Variants in KCTD8 observed in about 807,000 individuals in gnomAD.
KCTD8 encodes potassium channel tetramerization domain containing 8, also known as BTB/POZ domain-containing protein KCTD8.
In KCTD8, 27 loss-of-function variants were observed where a neutral mutation model predicts 31.5. The ratio of observed to expected loss-of-function variants is 0.86; its 90% CI spans 0.63 to 1.18. The LOEUF is 1.18. Ranked by LOEUF, KCTD8 falls within the 50% of genes most tolerant of loss-of-function variation. The probability of loss-of-function intolerance (pLI) is 0.00; values close to 1 mark genes in which losing one functional copy is unlikely to be tolerated. For missense variants in KCTD8, 658 were observed against 647.7 expected, an observed-to-expected ratio of 1.02 and a Z score of -0.17; for synonymous variants, 290 against 280.0, an observed-to-expected ratio of 1.04 and a Z score of -0.36.
intron 1 of KCTD8, among the ~76,000 whole-genome samples, chr4:44,264,027 C>T (rs945288692): frequency 1.3e-5 from 2 of 152,182 alleles, no homozygotes; most frequent in African/African-American, 4.8e-5. Context: ...AAGTTATCTC[C>T]TTTTGCCTAA....
intron 1 of KCTD8, among the ~76,000 whole-genome samples, chr4:44,382,888 C>G (rs2109443907): frequency 6.6e-6 from 1 of 151,994 alleles, no homozygotes; most frequent in Admixed American, 6.6e-5. Flanking sequence ...TTGCAGATGA[C>G]ATGATCTCAT....
At chr4:44,387,522 C>T (rs1000320388) in intron 1 of KCTD8, among the ~76,000 whole-genome samples, 2 of 151,660 alleles carry the variant, frequency 1.3e-5, no homozygotes, top group African/African-American at 4.8e-5. Flanking sequence ...CAAGAACAGA[C>T]ACATAGAACA....
chr4:44,426,461 T>C (rs1721350313), intron 1 of KCTD8, among the ~76,000 whole-genome samples: 1 of 151,122 alleles, frequency 6.6e-6, no homozygotes, highest in African/African-American at 2.4e-5. Context: ...TAGAGGAGGA[T>C]GGGAGAGAAA....
chr4:44,272,993 C>G (rs1289447009), intron 1 of KCTD8, among the ~76,000 whole-genome samples: 3 of 152,074 alleles, frequency 2.0e-5, no homozygotes, highest in Admixed American at 6.6e-5. Context: ...TGAGTCACAT[C>G]ACATATCAGC....
intron 1 of KCTD8, among the ~76,000 whole-genome samples, chr4:44,415,165 G>C (rs1721045116): frequency 6.6e-6 from 1 of 152,168 alleles, no homozygotes; most frequent in South Asian, 2.1e-4. Flanking sequence ...GTGGATGTTT[G>C]AACTTAAAAG....
intron 1 of KCTD8, among the ~76,000 whole-genome samples, chr4:44,417,569 T>C (rs1721105759): frequency 1.1e-4 from 1 of 9,014 alleles, no homozygotes; most frequent in Admixed American, 1.2e-3. Flanking sequence ...TTTGTATCCA[T>C]GTCTATGGCA....
At chr4:44,418,033 A>G (rs1417929924) in intron 1 of KCTD8, among the ~76,000 whole-genome samples, 1 of 152,174 alleles carries the variant, frequency 6.6e-6, no homozygotes, top group Non-Finnish European at 1.5e-5. Context: ...AGCAGAGCAG[A>G]CAGATATACA....
At chr4:44,328,457 C>T (rs1364541744) in intron 1 of KCTD8, among the ~76,000 whole-genome samples, 5 of 151,920 alleles carry the variant, frequency 3.3e-5, no homozygotes, top group Admixed American at 3.3e-4. Context: ...ATATACACTT[C>T]GCCAATCCCA....
intron 1 of KCTD8, among the ~76,000 whole-genome samples, chr4:44,248,381 T>G (rs1292158673): frequency 6.6e-6 from 1 of 151,498 alleles, no homozygotes; most frequent in Non-Finnish European, 1.5e-5. Flanking sequence ...CATCTCTTCC[T>G]GTGCTTCACC....
intron 1 of KCTD8, among the ~76,000 whole-genome samples, chr4:44,436,648 G>C (rs1347318377): frequency 1.3e-5 from 2 of 151,976 alleles, no homozygotes; most frequent in African/African-American, 2.4e-5. Flanking sequence ...AATATTTGGG[G>C]TTTGCTTTAA....
At chr4:44,370,948 T>C (rs1438392859) in intron 1 of KCTD8, among the ~76,000 whole-genome samples, 1 of 151,970 alleles carries the variant, frequency 6.6e-6, no homozygotes, top group Non-Finnish European at 1.5e-5. Context: ...TTGTGAAGAA[T>C]TGGCTCATAT....
At chr4:44,203,195 A>G (rs1024747233) in intron 1 of KCTD8, among the ~76,000 whole-genome samples, 3 of 152,164 alleles carry the variant, frequency 2.0e-5, no homozygotes, top group Admixed American at 2.0e-4. Flanking sequence ...AGTCTTAAAT[A>G]TATCTAATTA....
At chr4:44,259,955 C>T (rs1417190121) in intron 1 of KCTD8, among the ~76,000 whole-genome samples, 1 of 151,686 alleles carries the variant, frequency 6.6e-6, no homozygotes, top group African/African-American at 2.4e-5. Context: ...AATTATATAT[C>T]ATAGGTTTAA....
intron 1 of KCTD8, among the ~76,000 whole-genome samples, chr4:44,286,188 C>CT (rs1717063648): frequency 6.6e-6 from 1 of 152,034 alleles, no homozygotes; most frequent in South Asian, 2.1e-4. Flanking sequence ...AGTTTCATGA[C>CT]TTTAAATACC....
chr4:44,235,843 T>C (rs546308730), intron 1 of KCTD8, among the ~76,000 whole-genome samples: 2 of 151,958 alleles, frequency 1.3e-5, no homozygotes, highest in South Asian at 2.1e-4. Context: ...TATGCACAGC[T>C]TTCACCTTGA....
rs150910833 is a variant in KCTD8, at chr4:44,397,376, T to C, written c.961+50187A>G. ...CATTATGTTTATATGTATATATATG[T>C]ATGCACATTCATATATATGTAGATA... On this transcript the variant is annotated intron_variant, in intron 1 of 1. Coordinates refer to ENST00000360029, the MANE Select transcript of KCTD8 (RefSeq NM_198353.3). Among the ~76,000 whole-genome samples, 260 of 152,282 alleles carry C rather than the reference T, an allele frequency of 1.7e-3. 2 individuals carry two copies. The highest frequency in any genetic ancestry group is 0.016 in the Admixed American group (242 of 15,274).
At chr4:44,272,182 C>G (rs1716633039) in intron 1 of KCTD8, among the ~76,000 whole-genome samples, 1 of 149,436 alleles carries the variant, frequency 6.7e-6, no homozygotes, top group Admixed American at 6.7e-5. Context: ...CAATATCCAT[C>G]AAGTATTGTC....
intron 1 of KCTD8, among the ~76,000 whole-genome samples, chr4:44,244,270 C>A (rs771714012): frequency 6.6e-6 from 1 of 152,038 alleles, no homozygotes; most frequent in Non-Finnish European, 1.5e-5. Flanking sequence ...CATATTCAAG[C>A]ATAGATATTT....
At chr4:44,256,118 ACTACCATG>A (rs1286447855) in intron 1 of KCTD8, among the ~76,000 whole-genome samples, 1 of 151,914 alleles carries the variant, frequency 6.6e-6, no homozygotes, top group African/African-American at 2.4e-5. Flanking sequence ...TGTGAGACTT[ACTACCATG>A]AGAACAGCAG....
Sources: allele counts gnomAD v4.1 joint callset (sites outside exome capture counted in the v4.1 genomes callset), GRCh38; gene constraint gnomAD v4.1.1; transcripts MANE v1.5; gene names NCBI Gene and HGNC (gene_info 2026-07-23, HGNC 2026-07-21).